Variants in DGCR8 observed in about 807,000 individuals in gnomAD.
DGCR8 encodes the protein microprocessor complex subunit DGCR8.
DGCR8 carries 14 observed loss-of-function variants against 78.5 expected under a neutral mutation model. That is an observed-to-expected ratio of 0.18 (90% confidence interval 0.12 to 0.28). DGCR8 has a LOEUF of 0.28. DGCR8 is among the 10% of genes least tolerant of loss of function. The pLI is 1.00. For missense variants in DGCR8, 702 were observed against 1,022.5 expected (o/e 0.69, Z 4.28); for synonymous variants, 399 against 402.4 (o/e 0.99, Z 0.10).
chr22:20,107,726 A>G (rs751943432), intron 12 of DGCR8: 11 of 339,660 alleles, frequency 3.2e-5, no homozygotes, highest in Non-Finnish European at 6.2e-5. Flanking sequence ...GAGGTGTGCA[A>G]AGGCTCAGGA....
At chr22:20,081,609 T>A (rs2049419101) in intron 1 of DGCR8, among the ~76,000 whole-genome samples, 1 of 152,204 alleles carries the variant, frequency 6.6e-6, no homozygotes, top group African/African-American at 2.4e-5. Context: ...TAGACTCTCT[T>A]GTTGTAGCCC....
chr22:20,094,757 A>G lies in DGCR8; in HGVS notation c.1750A>G (p.Thr584Ala). The G allele has an allele frequency of 6.2e-7, 1 of 1,614,096 alleles. No homozygotes were observed. Among genetic ancestry groups the G allele is most frequent in the Non-Finnish European group, 8.5e-7 (1 of 1,179,986 alleles). ...CCTCATCCCTGACTTTGTTAAACAG[A>G]CCTCTGAAGAGAAGCCCAAAGACAG... ...EILIPDFVKQ[T>A]SEEKPKDSEE... The change falls in exon 9 of 14, where the codon ACC becomes GCC. Residue 584 changes from threonine to alanine, a missense_variant. This residue lies in a region of DGCR8 where 225 missense variants were observed against 427.7 expected (regional missense o/e 0.53). Coordinates refer to ENST00000351989, the MANE Select transcript of DGCR8 (RefSeq NM_022720.7).
intron 9 of DGCR8, among the ~76,000 whole-genome samples, chr22:20,100,093 A>C (rs905213677): frequency 6.6e-6 from 1 of 151,732 alleles, no homozygotes; most frequent in Admixed American, 6.6e-5. Flanking sequence ...TTTGAGATGG[A>C]GTCTCGCTCT....
At chr22:20,084,052 A>G (rs559764974) in intron 1 of DGCR8, among the ~76,000 whole-genome samples, 5 of 152,202 alleles carry the variant, frequency 3.3e-5, no homozygotes, top group Admixed American at 1.3e-4. Flanking sequence ...TGCAGTGGTC[A>G]TTGACCTGCC....
At chr22:20,106,741 G>A (rs770962065) in intron 11 of DGCR8, 43 bp downstream of exon 11, 36 of 1,423,428 alleles carry the variant, frequency 2.5e-5, no homozygotes, top group Non-Finnish European at 3.2e-5. Context: ...CTGGGCGGGC[G>A]GCCCCTGGTG....
chr22:20,086,994 G>T lies in DGCR8; in HGVS notation c.721-168G>T. The stretch of plus-strand genomic sequence containing the variant: ...TGGACCAGGTGTGTTGGTGTCAGCT[G>T]GTAGCTTCATCCTGTTTGTTTTTCA... On this transcript the variant is annotated intron_variant, in intron 2 of 13. Coordinates refer to ENST00000351989, the MANE Select transcript of DGCR8 (RefSeq NM_022720.7). This position sits in a 1 kb window ranked among gnomAD's most constrained non-coding sequence, Gnocchi z 6.4. 1 of 925,860 alleles carries T rather than the reference G, an allele frequency of 1.1e-6. No homozygotes were observed. The highest frequency in any genetic ancestry group is 1.6e-6 in the Non-Finnish European group (1 of 621,244). 57.4% of individuals were successfully genotyped at this position (925,860 alleles called of 1,614,324 possible).
intron 9 of DGCR8, among the ~76,000 whole-genome samples, chr22:20,099,469 C>G (rs892709179): frequency 6.6e-6 from 1 of 152,206 alleles, no homozygotes; most frequent in African/African-American, 2.4e-5. Context: ...CCAACAGTGA[C>G]AGTTCTCTGG....
intron 9 of DGCR8, among the ~76,000 whole-genome samples, chr22:20,096,218 G>A (rs1315737870): frequency 6.6e-6 from 1 of 152,212 alleles, no homozygotes; most frequent in African/African-American, 2.4e-5. Flanking sequence ...TCATAAGGAA[G>A]AGAAAATTTA....
At chr22:20,082,831 A>G (rs1008101) in intron 1 of DGCR8, among the ~76,000 whole-genome samples, 1,579 of 152,306 alleles carry the variant, frequency 0.01, 81 homozygotes, top group Admixed American at 0.077. Flanking sequence ...GGTGAGTTAA[A>G]ATGCTTAAAG....
In DGCR8 at chr22:20,091,514, T is replaced by C. The variant is rs2049559970; in HGVS notation, c.1386T>C (p.Ala462=). Residue 462 remains alanine (A), a synonymous_variant, in exon 6 of 14, where the codon GCT becomes GCC. Transcript: ENST00000351989. ...CTGTGAAAAAATTCAGGACTTGGGC[T>C]GAGCGGCGGCAATTCAATCGGGAAA... The part of the protein sequence containing the change: ...QVTVKKFRTW[A]ERRQFNREMK... 1 of 1,614,118 alleles carries C rather than the reference T, an allele frequency of 6.2e-7. No homozygotes were observed. The highest frequency in any genetic ancestry group is 1.7e-5 in the Admixed American group (1 of 60,012).
chr22:20,108,067 C>T (rs1432078289), intron 12 of DGCR8: 4 of 152,928 alleles, frequency 2.6e-5, no homozygotes, highest in Non-Finnish European at 4.4e-5. Flanking sequence ...GGCCCTCTGC[C>T]CAAGCCAGCT....
intron 9 of DGCR8, chr22:20,101,123 A>G: frequency 1.1e-6 from 1 of 915,836 alleles, no homozygotes; most frequent in Non-Finnish European, 1.3e-6. Context: ...TTTGAATCAC[A>G]AAAGACAAAC....
chr22:20,107,177 G>T (rs572659290), intron 11 of DGCR8, 94 bp from the exon 12 acceptor site: 2 of 1,457,642 alleles, frequency 1.4e-6, no homozygotes, highest in South Asian at 2.3e-5. Flanking sequence ...GCTGGCCCTC[G>T]GGGTGTGGGT....
At chr22:20,105,573 C>G (rs1162242739) in intron 9 of DGCR8, among the ~76,000 whole-genome samples, 2 of 152,236 alleles carry the variant, frequency 1.3e-5, no homozygotes, top group Admixed American at 1.3e-4. Flanking sequence ...ATCTCCCCAT[C>G]ACCTCTTGTT....
At chr22:20,092,015 G>A in intron 7 of DGCR8, 45 bp downstream of exon 7, 2 of 1,520,826 alleles carry the variant, frequency 1.3e-6, no homozygotes, top group Middle Eastern at 1.7e-4. Flanking sequence ...ATCACAAGGT[G>A]TAACTTTGGT....
rs2049687652 is a variant in DGCR8 at position 20,100,646 on chromosome 22, C to G, written c.1789-5531C>G. ...CAGCGGGGAGTCAGGTTCTCAGCCT[C>G]CACTCTGGGGTTCTTCTGTGAAGTG... On this transcript the variant is annotated intron_variant, in intron 9 of 13. Coordinates refer to ENST00000351989, the MANE Select transcript of DGCR8 (RefSeq NM_022720.7). The G allele has an allele frequency of 7.1e-6, 7 of 985,294 alleles. No individual in the cohort carries two copies. In the South Asian group the frequency reaches 2.3e-4, roughly 33 times the overall value. The allele number at this position is 985,294 out of a possible 1,614,324, so 61.0% of individuals were successfully genotyped here.
At chr22:20,103,047 G>A (rs1390356018) in intron 9 of DGCR8, among the ~76,000 whole-genome samples, 2 of 151,894 alleles carry the variant, frequency 1.3e-5, no homozygotes, top group Non-Finnish European at 2.9e-5. Flanking sequence ...CAGGAGAATC[G>A]CTTGAACCCA....
At chr22:20,107,626 G>A (rs538364095) in intron 12 of DGCR8, 35 of 557,008 alleles carry the variant, frequency 6.3e-5, no homozygotes, top group South Asian at 4.3e-4. Context: ...GATTGGGAAC[G>A]CAGGCTGGGC....
chr22:20,111,525 C>G lies in DGCR8; in HGVS notation c.*1417C>G, dbSNP rs1036035465. 33 of 397,820 alleles carry G rather than the reference C, an allele frequency of 8.3e-5. No individual in the cohort carries two copies. Among genetic ancestry groups the G allele is most frequent in the Middle Eastern group, 6.2e-4 (1 of 1,610 alleles). 24.6% of individuals were successfully genotyped at this position (397,820 alleles called of 1,614,324 possible). A position where few individuals can be genotyped will look rare whatever the true frequency, so the allele number is the denominator to read the frequency against. ...AATTAGACACTTGCTTCTGTCTTGCCTCCTGTCTGCAGCTGTGAATAGTCA... is the reference window on the plus strand; with the variant it reads ...AATTAGACACTTGCTTCTGTCTTGCGTCCTGTCTGCAGCTGTGAATAGTCA... On this transcript the variant is annotated 3_prime_UTR_variant, in exon 14 of 14. Transcript: ENST00000351989.
Sources: gnomAD v4.1 joint callset for allele counts (sites outside exome capture counted in the v4.1 genomes callset) on GRCh38, gnomAD v4.1.1 for gene constraint, gnomAD v4.1.1 regional missense constraint, Gnocchi (gnomAD v3.1) non-coding constraint, MANE v1.5 for transcripts, NCBI Gene and HGNC (gene_info 2026-07-23, HGNC 2026-07-21) for gene names.